The following ST8SIA4 variants were observed in gnomAD, a reference collection of about 807,000 sequenced individuals.
ST8SIA4 encodes the protein ST8 alpha-N-acetyl-neuraminide alpha-2,8-sialyltransferase 4.
ST8SIA4 carries 15 observed loss-of-function variants against 33.9 expected under a neutral mutation model. The ratio of observed to expected loss-of-function variants is 0.44; its 90% CI spans 0.30 to 0.68. The LOEUF is 0.68. Ranked by LOEUF, ST8SIA4 falls within the 30% of genes least tolerant of loss-of-function variation. ST8SIA4 has a pLI of 0.10. For missense variants in ST8SIA4, 321 were observed against 428.0 expected (o/e 0.75, Z 2.21); for synonymous variants, 171 against 151.2 (o/e 1.13, Z -0.96).
rs536654197 is a variant in ST8SIA4, at chr5:100,807,501, C to T, written c.*4346G>A. On this transcript the variant is annotated 3_prime_UTR_variant, in exon 5 of 5. Coordinates refer to ENST00000231461, the MANE Select transcript of ST8SIA4 (RefSeq NM_005668.6). Reference sequence around the variant, plus strand: ...AAAGGTGCTACTTAAATGAGAAACACAAGGCCTGGAGCCACAATCTGAAAA... The same window carrying T: ...AAAGGTGCTACTTAAATGAGAAACATAAGGCCTGGAGCCACAATCTGAAAA... The T allele has an allele frequency of 3.3e-5, 5 of 152,586 alleles. No homozygotes were observed. The highest frequency in any genetic ancestry group is 1.2e-4 in the African/African-American group (5 of 41,538). 9.5% of individuals were successfully genotyped at this position (152,586 alleles called of 1,614,324 possible). A position where few individuals can be genotyped will look rare whatever the true frequency, so the allele number is the denominator to read the frequency against.
chr5:100,853,711 C>T (rs183684692), intron 4 of ST8SIA4, among the ~76,000 whole-genome samples: 1 of 152,276 alleles, frequency 6.6e-6, no homozygotes, highest in African/African-American at 2.4e-5. Flanking sequence ...TTTAAAATAT[C>T]TGTAAAAACC....
chr5:100,842,997 C>T (rs902832374), intron 4 of ST8SIA4, among the ~76,000 whole-genome samples: 2 of 151,754 alleles, frequency 1.3e-5, no homozygotes, highest in South Asian at 2.1e-4. Flanking sequence ...TTGCTTGATG[C>T]TATAGCTTAA....
In ST8SIA4 at chr5:100,873,626, G is replaced by A. The variant is rs1294873950; in HGVS notation, c.503+12717C>T. Among the ~76,000 whole-genome samples the A allele has an allele frequency of 2.0e-5, 3 of 152,210 alleles. No individual in the cohort carries two copies. In the South Asian group the frequency reaches 6.2e-4, roughly 32 times the overall value. ...GGCCAGATTTTCTTGTTACCAAGGG[G>A]AAACAAGGTTTCTTTTCTATGAGGA... On this transcript the variant is annotated intron_variant, in intron 3 of 4. Coordinates refer to ENST00000231461, the MANE Select transcript of ST8SIA4 (RefSeq NM_005668.6).
At position 100,808,750 on chromosome 5, in the gene ST8SIA4, A is replaced by C. The variant is rs1465403448; in HGVS notation, c.*3097T>G. 6.6e-6 allele frequency: 1 copy of C among 152,624 alleles called. No homozygotes were observed. Among genetic ancestry groups the C allele is most frequent in the Non-Finnish European group, 1.5e-5 (1 of 68,026 alleles). The allele number at this position is 152,624 out of a possible 1,614,324, so 9.5% of individuals were successfully genotyped here. On this transcript the variant is annotated 3_prime_UTR_variant, in exon 5 of 5. Coordinates refer to ENST00000231461, the MANE Select transcript of ST8SIA4 (RefSeq NM_005668.6). ...CTCAACTCTTTTTCTTATTCTTGCC[A>C]TTAGCCTTCATTGATCTTGCTCTGT...
At chr5:100,856,054 T>C (rs1268216106) in intron 4 of ST8SIA4, 49 bp downstream of exon 4, 2 of 1,537,334 alleles carry the variant, frequency 1.3e-6, no homozygotes, top group Admixed American at 3.5e-5. Context: ...TGTTTAGTTA[T>C]ATGTGTTCCA....
At chr5:100,900,387 C>T (rs1752878077) in intron 1 of ST8SIA4, 1 of 456,028 alleles carries the variant, frequency 2.2e-6, no homozygotes, top group African/African-American at 2.0e-5. Flanking sequence ...AAACTGGCCT[C>T]TCCACGTGGC....
chr5:100,878,808 C>T (rs957477793), intron 3 of ST8SIA4, among the ~76,000 whole-genome samples: 2 of 152,088 alleles, frequency 1.3e-5, no homozygotes, highest in African/African-American at 2.4e-5. Context: ...GATATTGTTT[C>T]TAAAATGTAG....
At chr5:100,820,490 A>T (rs991223597) in intron 4 of ST8SIA4, among the ~76,000 whole-genome samples, 4 of 152,054 alleles carry the variant, frequency 2.6e-5, no homozygotes, top group African/African-American at 9.7e-5. Context: ...TTGACATATA[A>T]AATTGTATAT....
At chr5:100,883,437 C>T (rs541600078) in intron 3 of ST8SIA4, among the ~76,000 whole-genome samples, 54 of 152,256 alleles carry the variant, frequency 3.5e-4, no homozygotes, top group Admixed American at 2.9e-3. Flanking sequence ...AAGGGACTTG[C>T]CTTGTCTCAG....
chr5:100,886,074 A>T, intron 3 of ST8SIA4: 2 of 1,172,360 alleles, frequency 1.7e-6, no homozygotes, highest in Non-Finnish European at 1.1e-6. Context: ...AAATTTAATA[A>T]AATTGCCATT....
intron 3 of ST8SIA4, among the ~76,000 whole-genome samples, chr5:100,873,893 T>A (rs576369113): frequency 1.3e-5 from 2 of 152,310 alleles, no homozygotes; most frequent in South Asian, 4.1e-4. Flanking sequence ...TATGCTTTTA[T>A]GTAGATACTT....
Position 100,817,913 on chromosome 5 carries a change from A to C in ST8SIA4, c.798-5784T>G, listed in dbSNP as rs1435708592. Among the ~76,000 whole-genome samples the C allele has an allele frequency of 2.6e-5, 4 of 152,342 alleles. No individual in the cohort carries two copies. The East Asian group carries it at 7.7e-4, about 29-fold the overall frequency. Reference sequence around the variant, plus strand: ...GCTAAGAGTAAACCTAGGGATAAAAAGATAAGCGATTACTAAGAGGTAGCA... The same window carrying C: ...GCTAAGAGTAAACCTAGGGATAAAACGATAAGCGATTACTAAGAGGTAGCA... On this transcript the variant is annotated intron_variant, in intron 4 of 4. Coordinates refer to ENST00000231461, the MANE Select transcript of ST8SIA4 (RefSeq NM_005668.6).
At chr5:100,854,438 C>G (rs1186903020) in intron 4 of ST8SIA4, among the ~76,000 whole-genome samples, 1 of 151,938 alleles carries the variant, frequency 6.6e-6, no homozygotes, top group Non-Finnish European at 1.5e-5. Context: ...AAAAAATTAG[C>G]CAGGTGTGGT....
intron 4 of ST8SIA4, among the ~76,000 whole-genome samples, chr5:100,851,433 T>TACAAATGTCCATCAA (rs1751695173): frequency 1.3e-5 from 2 of 152,026 alleles, no homozygotes; most frequent in Admixed American, 6.5e-5. Flanking sequence ...TGAGAAGTAC[T>TACAAATGTCCATCAA]ACAAATGTCC....
At chr5:100,882,679 T>TC (rs892230293) in intron 3 of ST8SIA4, among the ~76,000 whole-genome samples, 4 of 152,106 alleles carry the variant, frequency 2.6e-5, no homozygotes, top group African/African-American at 9.7e-5. Flanking sequence ...GGGCCCAGGA[T>TC]CCCTGTGTGC....
At chr5:100,844,906 C>G (rs946587820) in intron 4 of ST8SIA4, among the ~76,000 whole-genome samples, 1 of 151,990 alleles carries the variant, frequency 6.6e-6, no homozygotes, top group African/African-American at 2.4e-5. Context: ...ATGACTCTTT[C>G]TTTGATCTCT....
intron 4 of ST8SIA4, among the ~76,000 whole-genome samples, chr5:100,834,165 A>G (rs1561388604): frequency 6.6e-6 from 1 of 152,164 alleles, no homozygotes; most frequent in East Asian, 1.9e-4. Context: ...ATGGATATGT[A>G]CTACTGAGGT....
chr5:100,822,072 T>C (rs1413161921), intron 4 of ST8SIA4, among the ~76,000 whole-genome samples: 1 of 152,216 alleles, frequency 6.6e-6, no homozygotes, highest in Non-Finnish European at 1.5e-5. Flanking sequence ...TCCACAAAAT[T>C]AGAGAAAAAC....
intron 4 of ST8SIA4, among the ~76,000 whole-genome samples, chr5:100,813,227 T>G (rs994684014): frequency 2.0e-5 from 3 of 152,036 alleles, no homozygotes; most frequent in African/African-American, 4.8e-5. Flanking sequence ...TGAAAAAAAC[T>G]TAAAGTGATA....
Sources: allele counts gnomAD v4.1 joint callset (sites outside exome capture counted in the v4.1 genomes callset), GRCh38; gene constraint gnomAD v4.1.1; transcripts MANE v1.5; gene names NCBI Gene and HGNC (gene_info 2026-07-23, HGNC 2026-07-21).